The following CACNA2D1 variants were observed in gnomAD, a reference collection of about 807,000 sequenced individuals.
The protein encoded by CACNA2D1 is calcium voltage-gated channel auxiliary subunit alpha2delta 1.
Under a neutral mutation model 171.5 loss-of-function variants are expected in CACNA2D1, and 53 were observed. The observed-to-expected ratio is 0.31, with a 90% CI of 0.25 to 0.39. The LOEUF (loss-of-function observed/expected upper bound fraction) is 0.39, where lower values mean the gene tolerates loss of function less well. Among genes scored for constraint, CACNA2D1 ranks in the 10% least tolerant of loss-of-function variants. The probability of loss-of-function intolerance (pLI) is 1.00; values close to 1 mark genes in which losing one functional copy is unlikely to be tolerated. For synonymous variants in CACNA2D1, 442 were observed against 443.1 expected, an observed-to-expected ratio of 1.00 and a Z score of 0.03; for missense variants, 903 against 1,299.8, an observed-to-expected ratio of 0.69 and a Z score of 4.69.
chr7:82,394,272 T>C (rs1006016419), intron 1 of CACNA2D1, among the ~76,000 whole-genome samples: 1 of 150,792 alleles, frequency 6.6e-6, no homozygotes, highest in African/African-American at 2.4e-5. Flanking sequence ...CTTATAGAGC[T>C]TAGAAGAAAA....
At chr7:82,275,904 G>A (rs186563515) in intron 3 of CACNA2D1, among the ~76,000 whole-genome samples, 5 of 152,216 alleles carry the variant, frequency 3.3e-5, no homozygotes, top group East Asian at 1.9e-4. Context: ...CTGAACTGCC[G>A]TTTATTTAAA....
At chr7:82,040,932 G>A (rs1228924188) in intron 10 of CACNA2D1, among the ~76,000 whole-genome samples, 2 of 151,890 alleles carry the variant, frequency 1.3e-5, no homozygotes, top group East Asian at 1.9e-4. Context: ...CCAAGATCAC[G>A]CCATTGCACT....
intron 1 of CACNA2D1, among the ~76,000 whole-genome samples, chr7:82,385,863 C>T (rs1228724978): frequency 6.6e-6 from 1 of 152,038 alleles, no homozygotes; most frequent in Non-Finnish European, 1.5e-5. Flanking sequence ...CGGGGTTTCA[C>T]CATGTTGGCC....
intron 31 of CACNA2D1, among the ~76,000 whole-genome samples, 170 bp from the exon 32 acceptor site, chr7:81,965,835 G>A (rs750273864): frequency 6.6e-6 from 1 of 151,754 alleles, no homozygotes; most frequent in Non-Finnish European, 1.5e-5. Flanking sequence ...GGCATGCATA[G>A]ATTTATATCA....
intron 10 of CACNA2D1, among the ~76,000 whole-genome samples, chr7:82,060,190 T>TGTATTA (rs1491114373): frequency 3.0e-4 from 4 of 13,126 alleles, no homozygotes; most frequent in African/African-American, 5.7e-4. Flanking sequence ...TATATATATA[T>TGTATTA]TATATATATA....
chr7:82,066,801 T>C (rs1807686129), intron 7 of CACNA2D1, among the ~76,000 whole-genome samples: 1 of 152,118 alleles, frequency 6.6e-6, no homozygotes, highest in Admixed American at 6.5e-5. Context: ...TAACTTAATA[T>C]GTTTTAGTAG....
At chr7:82,224,428 AT>A (rs1171004225) in intron 3 of CACNA2D1, among the ~76,000 whole-genome samples, 1 of 152,218 alleles carries the variant, frequency 6.6e-6, no homozygotes, top group Admixed American at 6.5e-5. Context: ...TCTACTAAAA[AT>A]ACAAAAACTA....
At chr7:82,162,290 A>G (rs114739374) in intron 4 of CACNA2D1, among the ~76,000 whole-genome samples, 1,556 of 151,658 alleles carry the variant, frequency 0.01, 38 homozygotes, top group African/African-American at 0.036. Context: ...GGGGTAATAG[A>G]CTTTTTTTTT....
intron 14 of CACNA2D1, among the ~76,000 whole-genome samples, chr7:82,013,050 T>C (rs563566936): frequency 6.6e-6 from 1 of 152,194 alleles, no homozygotes; most frequent in South Asian, 2.1e-4. Context: ...GGGAGGTATT[T>C]AAGTTCCAAC....
intron 1 of CACNA2D1, among the ~76,000 whole-genome samples, chr7:82,426,176 TAAA>T (rs1829165661): frequency 1.1e-5 from 1 of 94,630 alleles, no homozygotes; most frequent in Non-Finnish European, 2.1e-5. Context: ...AATAAATAAA[TAAA>T]TACATAAATT....
intron 31 of CACNA2D1, among the ~76,000 whole-genome samples, chr7:81,966,676 A>G (rs763395005): frequency 5.9e-5 from 9 of 151,434 alleles, no homozygotes; most frequent in Non-Finnish European, 8.9e-5. Context: ...TGAAAGTAAT[A>G]CAAGACACCT....
Position 81,974,436 on chromosome 7 carries a change from T to C in CACNA2D1, c.2053+19A>G. 8.1e-7 allele frequency: 1 copy of C among 1,231,154 alleles called. No individual in the cohort carries two copies. Among genetic ancestry groups the C allele is most frequent in the Non-Finnish European group, 1.2e-6 (1 of 833,552 alleles). The allele number at this position is 1,231,154 out of a possible 1,614,324, so 76.3% of individuals were successfully genotyped here. ...TAGAACCACACTCAAGCAATCATTT[T>C]GAATTAATGCATACTTACATGATGG... On this transcript the variant is annotated intron_variant, in intron 25 of 38. Transcript: ENST00000356860.
intron 3 of CACNA2D1, among the ~76,000 whole-genome samples, chr7:82,323,448 C>G (rs1254240927): frequency 1.3e-5 from 2 of 152,160 alleles, no homozygotes; most frequent in African/African-American, 2.4e-5. Context: ...GGTTCTAGCT[C>G]TACCACTAAC....
chr7:82,315,497 C>A (rs1245981674), intron 3 of CACNA2D1, among the ~76,000 whole-genome samples: 5 of 151,780 alleles, frequency 3.3e-5, no homozygotes, highest in Non-Finnish European at 7.4e-5. Flanking sequence ...ATTGAATTTT[C>A]TCATTAAGAG....
At chr7:81,955,981 T>TATATA (rs1554324959) in intron 38 of CACNA2D1, among the ~76,000 whole-genome samples, 7 of 21,634 alleles carry the variant, frequency 3.2e-4, no homozygotes, top group African/African-American at 1.1e-3. Context: ...TATATATATA[T>TATATA]TTTTTTTTTT....
In CACNA2D1 at chr7:82,300,038, T is replaced by A. The variant is rs147549056; in HGVS notation, c.294+35097A>T. Reference sequence around the variant, plus strand: ...AACTTGAATCATGACCGATCTGTGATCATTGCTCTGAAGATAATACAGGTA... The same window carrying A: ...AACTTGAATCATGACCGATCTGTGAACATTGCTCTGAAGATAATACAGGTA... On this transcript the variant is annotated intron_variant, in intron 3 of 38. Transcript: ENST00000356860. Among the ~76,000 whole-genome samples, 508 of 152,296 alleles carry A rather than the reference T, an allele frequency of 3.3e-3. 2 individuals carry two copies. Among genetic ancestry groups the A allele is most frequent in the African/African-American group, 0.012 (480 of 41,552 alleles).
Position 81,970,740 on chromosome 7 carries a change from G to T in CACNA2D1, c.2142-3C>A. The T allele has an allele frequency of 6.4e-7, 1 of 1,559,450 alleles. No homozygotes were observed. Among genetic ancestry groups the T allele is most frequent in the Non-Finnish European group, 8.8e-7 (1 of 1,130,876 alleles). Reference sequence around the variant, plus strand: ...CAAATCGTGCTTTCACTCCCTTGCTGAAACAGAAGACAAAACAAGGAAATG... The same window carrying T: ...CAAATCGTGCTTTCACTCCCTTGCTTAAACAGAAGACAAAACAAGGAAATG... On this transcript the variant is annotated splice_polypyrimidine_tract_variant and splice_region_variant and intron_variant, in intron 26 of 38. Transcript: ENST00000356860.
chr7:82,133,739 A>G (rs17155894), intron 5 of CACNA2D1, among the ~76,000 whole-genome samples: 32,459 of 152,134 alleles, frequency 0.21, 4,107 homozygotes, highest in African/African-American at 0.36. Context: ...ATTTCCCAAG[A>G]TAAAAAATGA....
At chr7:82,315,562 A>G (rs1419601531) in intron 3 of CACNA2D1, among the ~76,000 whole-genome samples, 3 of 152,182 alleles carry the variant, frequency 2.0e-5, no homozygotes, top group Non-Finnish European at 2.9e-5. Context: ...CTTGAAAAGA[A>G]CAGCACTAAA....
Sources: allele counts gnomAD v4.1 joint callset (sites outside exome capture counted in the v4.1 genomes callset), GRCh38; gene constraint gnomAD v4.1.1; transcripts MANE v1.5; gene names NCBI Gene and HGNC (gene_info 2026-07-23, HGNC 2026-07-21).